Variants in CNTN6 observed in about 807,000 individuals in gnomAD.
CNTN6 encodes the protein contactin 6.
A neutral mutation model predicts 122.8 loss-of-function variants in CNTN6; 137 were observed. The observed-to-expected ratio is 1.12, with a 90% confidence interval of 0.97 to 1.29. The LOEUF is 1.29. Among genes scored for constraint, CNTN6 ranks in the 50% most tolerant of loss-of-function variants. The probability of loss-of-function intolerance (pLI) is 0.00; values close to 1 mark genes in which losing one functional copy is unlikely to be tolerated. For synonymous variants in CNTN6, 570 were observed against 426.0 expected, an observed-to-expected ratio of 1.34 and a Z score of -4.16; for missense variants, 1,634 against 1,223.4, an observed-to-expected ratio of 1.34 and a Z score of -5.01.
chr3:1,317,850 G>A (rs1355619111), intron 7 of CNTN6, among the ~76,000 whole-genome samples: 1 of 150,564 alleles, frequency 6.6e-6, no homozygotes, highest in African/African-American at 2.4e-5. Flanking sequence ...AATGAGATGG[G>A]GAGGATTGGG....
chr3:1,299,722 A>C (rs1696872970), intron 7 of CNTN6, among the ~76,000 whole-genome samples: 1 of 152,182 alleles, frequency 6.6e-6, no homozygotes, highest in Non-Finnish European at 1.5e-5. Flanking sequence ...ACTTCTAAGT[A>C]AATAGTAAGA....
At chr3:1,357,739 G>T (rs1017853273) in intron 12 of CNTN6, among the ~76,000 whole-genome samples, 3 of 151,622 alleles carry the variant, frequency 2.0e-5, no homozygotes, top group African/African-American at 7.3e-5. Flanking sequence ...CCTAAATACC[G>T]CAGCCTTCAT....
chr3:1,232,623 G>C (rs912407435), intron 4 of CNTN6, among the ~76,000 whole-genome samples: 9 of 152,188 alleles, frequency 5.9e-5, no homozygotes, highest in Admixed American at 4.6e-4. Context: ...ACAGAAGAAT[G>C]AACTAGCCTG....
chr3:1,245,239 C>A (rs1408160473), intron 4 of CNTN6, among the ~76,000 whole-genome samples: 4 of 9,342 alleles, frequency 4.3e-4, no homozygotes, highest in African/African-American at 2.2e-3. Context: ...TATATATACA[C>A]ACACACATAT....
At chr3:1,102,783 G>T (rs2124968972) in intron 1 of CNTN6, among the ~76,000 whole-genome samples, 1 of 148,528 alleles carries the variant, frequency 6.7e-6, no homozygotes, top group East Asian at 2.0e-4. Context: ...TAATAGGTAG[G>T]CTATATAATA....
At chr3:1,194,733 C>G (rs550218486) in intron 2 of CNTN6, among the ~76,000 whole-genome samples, 2 of 152,136 alleles carry the variant, frequency 1.3e-5, no homozygotes, top group African/African-American at 4.8e-5. Context: ...GTAACATTTT[C>G]TTTCATTTCT....
chr3:1,360,521 T>G (rs28570352), intron 12 of CNTN6, among the ~76,000 whole-genome samples: 4,698 of 152,146 alleles, frequency 0.031, 244 homozygotes, highest in African/African-American at 0.11. Context: ...ATGGTTATAT[T>G]CATCTATATG....
intron 7 of CNTN6, among the ~76,000 whole-genome samples, chr3:1,310,374 T>C (rs1283944109): frequency 1.3e-5 from 2 of 152,290 alleles, no homozygotes; most frequent in East Asian, 1.9e-4. Context: ...CCAGTTGATA[T>C]GATCATGTGA....
intron 2 of CNTN6, among the ~76,000 whole-genome samples, chr3:1,217,395 ATGT>A (rs1328185164): frequency 6.6e-6 from 1 of 152,204 alleles, no homozygotes; most frequent in African/African-American, 2.4e-5. Flanking sequence ...TTTACGCTTG[ATGT>A]TGTGCATTGC....
intron 2 of CNTN6, among the ~76,000 whole-genome samples, chr3:1,206,786 A>C (rs1057288656): frequency 6.6e-6 from 1 of 152,110 alleles, no homozygotes; most frequent in Non-Finnish European, 1.5e-5. Flanking sequence ...AATGCAGTGG[A>C]ATGTTTTTTA....
chr3:1,258,120 A>AG (rs1203557176), intron 4 of CNTN6, among the ~76,000 whole-genome samples: 2 of 152,162 alleles, frequency 1.3e-5, no homozygotes, highest in East Asian at 1.9e-4. Context: ...ATTGTTAACA[A>AG]CAAAGCCAAT....
chr3:1,187,228 G>A (rs956723339), intron 2 of CNTN6, among the ~76,000 whole-genome samples: 9 of 151,764 alleles, frequency 5.9e-5, no homozygotes, highest in Admixed American at 5.3e-4. Context: ...TGCCTGATGC[G>A]TAATGAAGTA....
chr3:1,211,822 GGAGA>G (rs1349896490), intron 2 of CNTN6, among the ~76,000 whole-genome samples: 1 of 152,034 alleles, frequency 6.6e-6, no homozygotes, highest in Non-Finnish European at 1.5e-5. Flanking sequence ...TAAATTCTTG[GGAGA>G]GAGAAACACC....
chr3:1,197,593 AC>A (rs1342403075), intron 2 of CNTN6, among the ~76,000 whole-genome samples: 1 of 152,200 alleles, frequency 6.6e-6, no homozygotes, highest in Non-Finnish European at 1.5e-5. Context: ...TCACACACAT[AC>A]ACACCACATA....
At chr3:1,233,683 T>G (rs569069203) in intron 4 of CNTN6, among the ~76,000 whole-genome samples, 9 of 129,442 alleles carry the variant, frequency 7.0e-5, no homozygotes, top group Non-Finnish European at 1.2e-4. Flanking sequence ...TGCAGTGAGC[T>G]GAGATCGTGC....
At chr3:1,252,593 A>C (rs1466116842) in intron 4 of CNTN6, among the ~76,000 whole-genome samples, 1 of 152,232 alleles carries the variant, frequency 6.6e-6, no homozygotes, top group African/African-American at 2.4e-5. Context: ...ATTTTAGAGG[A>C]TATTTTAACA....
At chr3:1,223,493 T>C (rs555716522) in intron 3 of CNTN6, among the ~76,000 whole-genome samples, 21 of 152,210 alleles carry the variant, frequency 1.4e-4, no homozygotes, top group African/African-American at 4.8e-4. Flanking sequence ...ACATAACACA[T>C]GAGAATATGA....
At chr3:1,383,631 C>A (rs1236978693) in intron 19 of CNTN6, among the ~76,000 whole-genome samples, 1 of 151,346 alleles carries the variant, frequency 6.6e-6, no homozygotes, top group African/African-American at 2.4e-5. Flanking sequence ...CGAGAGTGAG[C>A]CAGTGGTAAA....
chr3:1,239,855 C>A (rs2094461426), intron 4 of CNTN6, among the ~76,000 whole-genome samples: 1 of 151,950 alleles, frequency 6.6e-6, no homozygotes, highest in South Asian at 2.1e-4. Flanking sequence ...AATAGAGAAC[C>A]CAGAAATAAA....
Sources: gnomAD v4.1 joint callset for allele counts (sites outside exome capture counted in the v4.1 genomes callset) on GRCh38, gnomAD v4.1.1 for gene constraint, MANE v1.5 for transcripts, NCBI Gene and HGNC (gene_info 2026-07-23, HGNC 2026-07-21) for gene names.